GRIK2: variants seen among roughly 807,000 people sequenced by gnomAD.
GRIK2 encodes the protein glutamate ionotropic receptor kainate type subunit 2.
GRIK2 carries 32 observed loss-of-function variants against 100.3 expected under a neutral mutation model. The ratio of observed to expected loss-of-function variants is 0.32; its 90% confidence interval spans 0.24 to 0.43. The LOEUF (loss-of-function observed/expected upper bound fraction) is 0.43. Among genes scored for constraint, GRIK2 ranks in the 20% least tolerant of loss-of-function variants. The pLI, the probability that GRIK2 is intolerant of heterozygous loss-of-function variation, is 1.00. For synonymous variants in GRIK2, 417 were observed against 389.4 expected (o/e 1.07, Z -0.83); for missense variants, 843 against 1,114.9 (o/e 0.76, Z 3.47).
intron 7 of GRIK2, among the ~76,000 whole-genome samples, chr6:101,768,524 A>G (rs924070958): frequency 2.6e-5 from 4 of 152,164 alleles, no homozygotes; most frequent in Admixed American, 6.5e-5. Flanking sequence ...CTAGATGAGG[A>G]AAGTAAATTT....
intron 7 of GRIK2, among the ~76,000 whole-genome samples, chr6:101,705,370 T>A (rs1403998125): frequency 1.3e-5 from 2 of 151,746 alleles, no homozygotes; most frequent in East Asian, 3.9e-4. Context: ...TCTACAAAAA[T>A]ACCAAAAGTT....
chr6:101,916,345 C>A (rs566981980), intron 12 of GRIK2, among the ~76,000 whole-genome samples: 1 of 150,996 alleles, frequency 6.6e-6, no homozygotes, highest in Admixed American at 6.6e-5. Context: ...ACTTTATGAC[C>A]AAATCTTAAT....
At chr6:101,679,169 C>G (rs576172720) in intron 5 of GRIK2, among the ~76,000 whole-genome samples, 1 of 152,168 alleles carries the variant, frequency 6.6e-6, no homozygotes, top group South Asian at 2.1e-4. Flanking sequence ...AAACTTTTAG[C>G]CTGGAAAAAA....
intron 16 of GRIK2, 30 bp from the exon 17 acceptor site, chr6:102,068,317 A>C: frequency 1.3e-6 from 2 of 1,510,808 alleles, no homozygotes; most frequent in Non-Finnish European, 1.8e-6. Flanking sequence ...TGTATCTTGT[A>C]ATATTTAATT....
At chr6:101,430,504 G>T in intron 2 of GRIK2, 1 of 189,360 alleles carries the variant, frequency 5.3e-6, no homozygotes, top group South Asian at 1.1e-4. Context: ...TGGGGGTGAT[G>T]ATCTTGATCT....
rs1778953781 is a variant in GRIK2, at chr6:101,779,555, A to G, written c.952-20093A>G. Among the ~76,000 whole-genome samples the G allele has an allele frequency of 2.0e-5, 3 of 152,198 alleles. No individual in the cohort carries two copies. In the South Asian group the frequency reaches 6.2e-4, roughly 32 times the overall value. On this transcript the variant is annotated intron_variant, in intron 7 of 16. Coordinates refer to ENST00000369134, the MANE Select transcript of GRIK2 (RefSeq NM_021956.5). ...TTGTAGGTTAACTAACTTATTTTGG[A>G]AATAAAAATAGCTTCAATCTAGTCT... is the stretch of plus-strand genomic sequence containing the variant.
chr6:101,548,899 A>G (rs1180136529), intron 2 of GRIK2, among the ~76,000 whole-genome samples: 1 of 152,160 alleles, frequency 6.6e-6, no homozygotes, highest in African/African-American at 2.4e-5. Flanking sequence ...TTACCTCTGT[A>G]TGGCCTCAGA....
At chr6:101,646,976 A>G (rs1193572020) in intron 4 of GRIK2, among the ~76,000 whole-genome samples, 1 of 152,000 alleles carries the variant, frequency 6.6e-6, no homozygotes, top group Non-Finnish European at 1.5e-5. Context: ...AGCTCGCTGC[A>G]TGCCAGTAAC....
At chr6:102,011,290 T>C (rs1372687329) in intron 14 of GRIK2, among the ~76,000 whole-genome samples, 1 of 152,184 alleles carries the variant, frequency 6.6e-6, no homozygotes, top group Non-Finnish European at 1.5e-5. Context: ...AATTCCTTAA[T>C]GATATATGAT....
At chr6:101,543,487 AACAT>A (rs1776099348) in intron 2 of GRIK2, among the ~76,000 whole-genome samples, 1 of 152,194 alleles carries the variant, frequency 6.6e-6, no homozygotes, top group African/African-American at 2.4e-5. Context: ...CCATCACAAA[AACAT>A]AAAGAATATC....
At chr6:102,060,420 C>T (rs999264397) in intron 16 of GRIK2, among the ~76,000 whole-genome samples, 9 of 150,592 alleles carry the variant, frequency 6.0e-5, no homozygotes, top group Admixed American at 1.3e-4. Flanking sequence ...GACTAGGGAT[C>T]CTATTTTAAA....
chr6:101,531,871 C>G (rs1775459377), intron 2 of GRIK2, among the ~76,000 whole-genome samples: 1 of 151,786 alleles, frequency 6.6e-6, no homozygotes, highest in Admixed American at 6.6e-5. Flanking sequence ...TCATTCTGCC[C>G]CCATGATCTC....
intron 2 of GRIK2, among the ~76,000 whole-genome samples, chr6:101,442,801 A>G (rs1004480352): frequency 6.6e-6 from 1 of 152,154 alleles, no homozygotes; most frequent in African/African-American, 2.4e-5. Flanking sequence ...TATTCACAAA[A>G]GTAGGGAGTA....
chr6:101,758,555 C>T (rs1363007127), intron 7 of GRIK2, among the ~76,000 whole-genome samples: 1 of 151,942 alleles, frequency 6.6e-6, no homozygotes, highest in East Asian at 1.9e-4. Flanking sequence ...TTAATTGTGC[C>T]CCAGGGTACA....
At chr6:101,693,077 A>G (rs1186466854) in intron 7 of GRIK2, among the ~76,000 whole-genome samples, 1 of 152,164 alleles carries the variant, frequency 6.6e-6, no homozygotes, top group Non-Finnish European at 1.5e-5. Flanking sequence ...TTTTATTAAC[A>G]TAGAACATTT....
intron 14 of GRIK2, among the ~76,000 whole-genome samples, chr6:101,940,554 GTTTC>G (rs1230067435): frequency 6.6e-6 from 1 of 152,096 alleles, no homozygotes; most frequent in Non-Finnish European, 1.5e-5. Context: ...TCTGGGTGAT[GTTTC>G]TTTCCTAATC....
intron 2 of GRIK2, among the ~76,000 whole-genome samples, chr6:101,553,111 C>T (rs1776586838): frequency 6.6e-6 from 1 of 152,120 alleles, no homozygotes; most frequent in South Asian, 2.1e-4. Context: ...AAGAAGCTCA[C>T]ATTTTTAGAA....
chr6:101,961,340 G>T lies in GRIK2; in HGVS notation c.2085+32708G>T, dbSNP rs572949727. On this transcript the variant is annotated intron_variant, in intron 14 of 16. Transcript: ENST00000369134. ...CGGGAATGCTGCTGTTCTGTGTAGAGTGAGGGATGGACTCCACCATTCTTG... is the reference window on the plus strand; with the variant it reads ...CGGGAATGCTGCTGTTCTGTGTAGATTGAGGGATGGACTCCACCATTCTTG... Among the ~76,000 whole-genome samples, 4 of 148,616 alleles carry T rather than the reference G, an allele frequency of 2.7e-5. No individual in the cohort carries two copies. In the South Asian group the frequency reaches 8.7e-4, roughly 32 times the overall value.
rs34632401 is a variant in GRIK2, at chr6:101,879,678, A to ATTT, written c.1525-9951_1525-9949dup. Among the ~76,000 whole-genome samples the ATTT allele has an allele frequency of 1.8e-4, 26 of 147,336 alleles. No homozygotes were observed. The East Asian group carries it at 2.2e-3, about 12-fold the overall frequency. On this transcript the variant is annotated intron_variant, in intron 11 of 16. Transcript: ENST00000369134. ...TTGTTAATTTGGTTGATCTCACTAC[A>ATTT]TTTTTTTTTTTTTACCCCATCCAAC...
Sources: allele counts gnomAD v4.1 joint callset (sites outside exome capture counted in the v4.1 genomes callset), GRCh38; gene constraint gnomAD v4.1.1; transcripts MANE v1.5; gene names NCBI Gene and HGNC (gene_info 2026-07-23, HGNC 2026-07-21).